LMO3: variants seen among roughly 807,000 people sequenced by gnomAD.
The protein encoded by LMO3 is LIM domain only 3, also known as LIM domain only protein 3.
In LMO3, 2 loss-of-function variants were observed where a neutral mutation model predicts 15.8. The ratio of observed to expected loss-of-function variants is 0.13; its 90% confidence interval spans 0.05 to 0.40. The LOEUF (loss-of-function observed/expected upper bound fraction) is 0.40, where lower values mean the gene tolerates loss of function less well. LMO3 is among the 10% of genes least tolerant of loss of function. LMO3 has a pLI of 0.99. For synonymous variants in LMO3, 62 were observed against 63.8 expected (o/e 0.97, Z 0.13); for missense variants, 86 against 182.2 (o/e 0.47, Z 3.04).
In LMO3 at chr12:16,603,219, A is replaced by T. The variant is rs181280131; in HGVS notation, c.-8-2351T>A. Among the ~76,000 whole-genome samples, 3 of 152,352 alleles carry T rather than the reference A, an allele frequency of 2.0e-5. No individual in the cohort carries two copies. Among genetic ancestry groups the T allele is most frequent in the African/African-American group, 7.2e-5 (3 of 41,580 alleles). On this transcript the variant is annotated intron_variant, in intron 1 of 3. Coordinates refer to ENST00000537304, the MANE Select transcript of LMO3 (RefSeq NM_018640.5). This position sits in a 1 kb window ranked among gnomAD's most constrained non-coding sequence, Gnocchi z 4.9. ...GCCAATTAATATTTGAAACTCTTAC[A>T]TTCTGTTTGGCCTTGGGCATAAAAG... is the stretch of plus-strand genomic sequence containing the variant.
At chr12:16,592,172 A>T (rs1317475191) in intron 2 of LMO3, among the ~76,000 whole-genome samples, 2 of 152,060 alleles carry the variant, frequency 1.3e-5, no homozygotes, top group Non-Finnish European at 1.5e-5. Context: ...ATAAGAACGA[A>T]GTATTGGCAC....
intron 2 of LMO3, among the ~76,000 whole-genome samples, chr12:16,561,177 T>C (rs1942391802): frequency 1.3e-5 from 2 of 152,250 alleles, no homozygotes; most frequent in Middle Eastern, 3.4e-3. Context: ...CCACTGGAAT[T>C]GTCTAGGATT....
rs1054304850 is a variant in LMO3 at position 16,586,106 on chromosome 12, A to G, written c.206+14549T>C. On this transcript the variant is annotated intron_variant, in intron 2 of 3. Coordinates refer to ENST00000537304, the MANE Select transcript of LMO3 (RefSeq NM_018640.5). This position sits in a 1 kb window ranked among gnomAD's most constrained non-coding sequence, Gnocchi z 4.3. ...TAAAAATTTTTGAGGGGCCAAAACA[A>G]TAGGGGTCAAGATCAAAGACACAGG... Among the ~76,000 whole-genome samples, 3 of 152,188 alleles carry G rather than the reference A, an allele frequency of 2.0e-5. No homozygotes were observed. The highest frequency in any genetic ancestry group is 4.4e-5 in the Non-Finnish European group (3 of 68,032).
chr12:16,571,093 T>G (rs2137439750), intron 2 of LMO3, among the ~76,000 whole-genome samples: 1 of 152,250 alleles, frequency 6.6e-6, no homozygotes, highest in Middle Eastern at 3.4e-3. Context: ...TATTTAATAT[T>G]TTATCTTACC....
chr12:16,556,605 A>G (rs1055205072), intron 3 of LMO3, among the ~76,000 whole-genome samples: 1 of 152,234 alleles, frequency 6.6e-6, no homozygotes, highest in Non-Finnish European at 1.5e-5. Context: ...GAAAATGCCT[A>G]TGAATTACCT....
At chr12:16,554,914 G>T (rs571818592) in intron 3 of LMO3, among the ~76,000 whole-genome samples, 1 of 152,032 alleles carries the variant, frequency 6.6e-6, no homozygotes, top group Admixed American at 6.5e-5. Context: ...CGCCCGCCTC[G>T]GCCTCCCAAA....
At chr12:16,570,169 T>C (rs563630124) in intron 2 of LMO3, among the ~76,000 whole-genome samples, 2 of 152,342 alleles carry the variant, frequency 1.3e-5, no homozygotes, top group East Asian at 1.9e-4. Context: ...TATTCTATAA[T>C]GAGTTTCAGA....
intron 2 of LMO3, among the ~76,000 whole-genome samples, chr12:16,564,528 A>G (rs1387352951): frequency 1.3e-5 from 2 of 152,226 alleles, no homozygotes; most frequent in African/African-American, 4.8e-5. Context: ...TACTACAGGC[A>G]TCAGGGGAAA....
At chr12:16,569,696 T>A (rs1295157372) in intron 2 of LMO3, among the ~76,000 whole-genome samples, 1 of 152,190 alleles carries the variant, frequency 6.6e-6, no homozygotes, top group African/African-American at 2.4e-5. Flanking sequence ...GAATCTTTTG[T>A]TGCTAGAATA....
chr12:16,555,938 A>G lies in LMO3; in HGVS notation c.332+4475T>C, dbSNP rs1453783974. Among the ~76,000 whole-genome samples, 1 of 152,062 alleles carries G rather than the reference A, an allele frequency of 6.6e-6. No homozygotes were observed. The highest frequency in any genetic ancestry group is 2.4e-5 in the African/African-American group (1 of 41,392). On this transcript the variant is annotated intron_variant, in intron 3 of 3. Transcript: ENST00000537304. The surrounding 1 kb of genome is among the most constrained non-coding windows in gnomAD (Gnocchi z 5.5). ...CCTTTGATGCTTCCCTAACACTTCA[A>G]GAAGGATGGCTCTCTCTTCCCTCAG...
chr12:16,582,189 G>A lies in LMO3; in HGVS notation c.206+18466C>T, dbSNP rs1943182090. ...CTGTTTCTCTTTATTTGGAAGTTTT[G>A]AAATGGCTGAATTTTATCAATTGCC... On this transcript the variant is annotated intron_variant, in intron 2 of 3. Coordinates refer to ENST00000537304, the MANE Select transcript of LMO3 (RefSeq NM_018640.5). This position sits in a 1 kb window ranked among gnomAD's most constrained non-coding sequence, Gnocchi z 4.1. Among the ~76,000 whole-genome samples the A allele has an allele frequency of 6.6e-6, 1 of 152,078 alleles. No individual in the cohort carries two copies. Among genetic ancestry groups the A allele is most frequent in the African/African-American group, 2.4e-5 (1 of 41,414 alleles).
At position 16,552,859 on chromosome 12, in the gene LMO3, G is replaced by C. The variant is rs114107340; in HGVS notation, c.333-1532C>G. ...ATGTTGCACTTCAATAATGGTGTTT[G>C]TGCAAGCCAGTTTGATATCCTTATC... On this transcript the variant is annotated intron_variant, in intron 3 of 3. Transcript: ENST00000537304. Among the ~76,000 whole-genome samples, 487 of 152,166 alleles carry C rather than the reference G, an allele frequency of 3.2e-3. 4 individuals are homozygous for C. Among genetic ancestry groups the C allele is most frequent in the African/African-American group, 0.011 (456 of 41,534 alleles).
rs1220991399 is a variant in LMO3 at position 16,550,274 on chromosome 12, G to A, written c.*948C>T. 6.6e-6 allele frequency: 1 copy of A among 152,384 alleles called. No individual in the cohort carries two copies. Among genetic ancestry groups the A allele is most frequent in the African/African-American group, 2.4e-5 (1 of 41,402 alleles). The allele number at this position is 152,384 out of a possible 1,614,324, so 9.4% of individuals were successfully genotyped here. A position where few individuals can be genotyped will look rare whatever the true frequency, so the allele number is the denominator to read the frequency against. ...CAGCTCTTGTGGAGAGATCTGGGCA[G>A]AATTTATACAAGAAGAAGTTTAATT... On this transcript the variant is annotated 3_prime_UTR_variant, in exon 4 of 4. Transcript: ENST00000537304.
At chr12:16,575,212 T>C (rs1002591220) in intron 2 of LMO3, among the ~76,000 whole-genome samples, 3 of 152,178 alleles carry the variant, frequency 2.0e-5, no homozygotes, top group Non-Finnish European at 2.9e-5. Flanking sequence ...AATTCATAAA[T>C]AAACCCATAT....
At chr12:16,605,458 C>G in intron 1 of LMO3, 1 of 690,446 alleles carries the variant, frequency 1.4e-6, no homozygotes, top group East Asian at 1.4e-4. Context: ...CGCCCCCATG[C>G]CCAAACACAG....
intron 2 of LMO3, among the ~76,000 whole-genome samples, chr12:16,567,134 T>G (rs1253949332): frequency 6.6e-6 from 1 of 152,072 alleles, no homozygotes; most frequent in Non-Finnish European, 1.5e-5. Flanking sequence ...AGGCGGAGGT[T>G]GCAGTGAGCT....
chr12:16,573,012 T>C lies in LMO3; in HGVS notation c.207-12474A>G, dbSNP rs372762810. Among the ~76,000 whole-genome samples the C allele has an allele frequency of 2.6e-5, 4 of 152,052 alleles. No individual in the cohort carries two copies. In the East Asian group the frequency reaches 7.7e-4, roughly 29 times the overall value. ...AGATTTTTTTAAAGGAGTGCAATTC[T>C]TAAAATTTTCCTGTTTTTATTATGT... On this transcript the variant is annotated intron_variant, in intron 2 of 3. Coordinates refer to ENST00000537304, the MANE Select transcript of LMO3 (RefSeq NM_018640.5).
chr12:16,571,940 T>A lies in LMO3; in HGVS notation c.207-11402A>T, dbSNP rs754714138. The stretch of plus-strand genomic sequence containing the variant: ...CATACACATTTTTTAAATTTGTGAA[T>A]CCTTAAAAGGATTTTTGCATTGCCT... On this transcript the variant is annotated intron_variant, in intron 2 of 3. Coordinates refer to ENST00000537304, the MANE Select transcript of LMO3 (RefSeq NM_018640.5). Among the ~76,000 whole-genome samples the A allele has an allele frequency of 2.0e-4, 30 of 152,082 alleles. No homozygotes were observed. The East Asian group carries it at 4.2e-3, about 22-fold the overall frequency.
At chr12:16,590,396 T>G (rs1422837277) in intron 2 of LMO3, among the ~76,000 whole-genome samples, 1 of 152,044 alleles carries the variant, frequency 6.6e-6, no homozygotes, top group Non-Finnish European at 1.5e-5. Flanking sequence ...AAGTGCTGGA[T>G]TTAGAAACAT....
Sources: gnomAD v4.1 joint callset for allele counts (sites outside exome capture counted in the v4.1 genomes callset) on GRCh38, gnomAD v4.1.1 for gene constraint, Gnocchi (gnomAD v3.1) non-coding constraint, MANE v1.5 for transcripts, NCBI Gene and HGNC (gene_info 2026-07-23, HGNC 2026-07-21) for gene names.